The following ADRA1B variants were observed in gnomAD, a reference collection of about 807,000 sequenced individuals.
ADRA1B encodes the protein alpha-1B adrenergic receptor.
A neutral mutation model predicts 17.9 loss-of-function variants in ADRA1B; 17 were observed. That is an observed-to-expected ratio of 0.95 (90% CI 0.65 to 1.42). The LOEUF (loss-of-function observed/expected upper bound fraction) is 1.42, where lower values mean the gene tolerates loss of function less well. Among genes scored for constraint, ADRA1B ranks in the 40% most tolerant of loss-of-function variants. ADRA1B has a pLI of 0.00. For missense variants in ADRA1B, 681 were observed against 722.1 expected, an observed-to-expected ratio of 0.94 and a Z score of 0.65; for synonymous variants, 366 against 327.6, an observed-to-expected ratio of 1.12 and a Z score of -1.27.
At chr5:159,874,068 G>C (rs1392529864) in intron 1 of ADRA1B, among the ~76,000 whole-genome samples, 1 of 152,098 alleles carries the variant, frequency 6.6e-6, no homozygotes, top group Non-Finnish European at 1.5e-5. Flanking sequence ...TAGCCCTTCT[G>C]GGCTATTGGG....
chr5:159,923,186 C>T (rs1274950026), intron 1 of ADRA1B, among the ~76,000 whole-genome samples: 1 of 152,264 alleles, frequency 6.6e-6, no homozygotes, highest in Admixed American at 6.5e-5. Flanking sequence ...TGGGCAGAGG[C>T]CGGGCCATGC....
Position 159,891,764 on chromosome 5 carries a change from G to A in ADRA1B, c.-255-24355G>A, listed in dbSNP as rs534725165. Among the ~76,000 whole-genome samples, 9 of 152,292 alleles carry A rather than the reference G, an allele frequency of 5.9e-5. No individual in the cohort carries two copies. The South Asian group carries it at 1.7e-3, about 28-fold the overall frequency. ...CTCTGCATGCAACAAGGGCAAAGTG[G>A]TAGCGGAGAAACCAGAATTGGGCAC... On this transcript the variant is annotated intron_variant, in intron 1 of 2. Transcript: ENST00000641205.
chr5:159,988,825 T>A, the ADRA1B span, among the ~76,000 whole-genome samples: 2 of 152,148 alleles, frequency 1.3e-5, no homozygotes, highest in South Asian at 2.1e-4. Flanking sequence ...AAAAAAATTT[T>A]AAAAATTAGC....
chr5:159,921,436 G>T (rs6884105), intron 1 of ADRA1B, among the ~76,000 whole-genome samples: 1 of 151,998 alleles, frequency 6.6e-6, no homozygotes, highest in African/African-American at 2.4e-5. Context: ...TAAAATGAAG[G>T]CTAACTTCCA....
At chr5:159,865,840 T>G (rs1753645939) in intron 1 of ADRA1B, among the ~76,000 whole-genome samples, 1 of 152,202 alleles carries the variant, frequency 6.6e-6, no homozygotes, top group Non-Finnish European at 1.5e-5. Flanking sequence ...ACGTAACCCA[T>G]AAAGCTAACT....
chr5:159,917,508 C>A lies in ADRA1B; in HGVS notation c.603C>A (p.Pro201=). 1.2e-6 allele frequency: 2 copies of A among 1,614,066 alleles called. No individual in the cohort carries two copies. Among genetic ancestry groups the A allele is most frequent in the East Asian group, 2.2e-5 (1 of 44,874 alleles). Residue 201 remains proline, a synonymous_variant, in exon 1 of 2, where the codon CCC becomes CCA. Coordinates refer to ENST00000306675, the MANE Select transcript of ADRA1B (RefSeq NM_000679.4). The part of the protein sequence containing the change: ...DDKECGVTEE[P]FYALFSSLGS... ...AGGAGTGCGGGGTCACCGAAGAACC[C>A]TTCTATGCCCTCTTCTCCTCTCTGG...
chr5:159,959,005 G>A (rs1277022237), intron 1 of ADRA1B, among the ~76,000 whole-genome samples: 1 of 152,190 alleles, frequency 6.6e-6, no homozygotes, highest in Non-Finnish European at 1.5e-5. Context: ...ACTGGAAGTT[G>A]GAATGGGTCA....
intron 1 of ADRA1B, among the ~76,000 whole-genome samples, chr5:159,907,684 C>T (rs1403733121): frequency 6.6e-6 from 1 of 152,128 alleles, no homozygotes; most frequent in Non-Finnish European, 1.5e-5. Context: ...TTCTAGGTGC[C>T]AGGCACAGTT....
intron 1 of ADRA1B, among the ~76,000 whole-genome samples, chr5:159,955,563 CT>C (rs1755537607): frequency 1.3e-5 from 2 of 152,186 alleles, no homozygotes; most frequent in Non-Finnish European, 1.5e-5. Context: ...CTTGTAGAGC[CT>C]TTCATCCTAA....
chr5:159,930,565 T>C (rs1484082635), intron 1 of ADRA1B, among the ~76,000 whole-genome samples: 1 of 152,116 alleles, frequency 6.6e-6, no homozygotes, highest in Non-Finnish European at 1.5e-5. Context: ...GGTGACAGGG[T>C]GAGGCTCCAT....
intron 1 of ADRA1B, among the ~76,000 whole-genome samples, chr5:159,938,639 T>G (rs1444561024): frequency 6.6e-6 from 1 of 152,260 alleles, no homozygotes; most frequent in Non-Finnish European, 1.5e-5. Context: ...CAAAGACTAA[T>G]GGGTCATTTG....
chr5:159,973,586 G>A (rs925760617), downstream of ADRA1B, among the ~76,000 whole-genome samples: 12 of 152,180 alleles, frequency 7.9e-5, no homozygotes, highest in African/African-American at 2.9e-4. Flanking sequence ...TTCTGGATAA[G>A]ATATGGATCC....
intron 1 of ADRA1B, among the ~76,000 whole-genome samples, chr5:159,924,627 G>A (rs780899395): frequency 3.7e-4 from 56 of 152,190 alleles, no homozygotes; most frequent in Middle Eastern, 3.2e-3. Flanking sequence ...GGGGCCAGTC[G>A]TGGTGGCACC....
intron 1 of ADRA1B, among the ~76,000 whole-genome samples, chr5:159,889,641 G>C (rs1019914261): frequency 2.1e-4 from 32 of 152,200 alleles, no homozygotes; most frequent in Non-Finnish European, 4.7e-4. Context: ...CATAATGGGG[G>C]TCATGCCAGT....
chr5:159,943,498 C>G (rs750821028), intron 1 of ADRA1B, among the ~76,000 whole-genome samples: 1 of 152,074 alleles, frequency 6.6e-6, no homozygotes, highest in Non-Finnish European at 1.5e-5. Flanking sequence ...CATGAATGTC[C>G]CTAACTCCAC....
chr5:159,893,585 A>G (rs1039344677), intron 1 of ADRA1B, among the ~76,000 whole-genome samples: 3 of 152,232 alleles, frequency 2.0e-5, no homozygotes, highest in African/African-American at 7.2e-5. Flanking sequence ...AAGAAGGGAA[A>G]AGGTCAAATG....
At chr5:159,913,136 A>G (rs756483682), upstream of ADRA1B, among the ~76,000 whole-genome samples, 5 of 152,228 alleles carry the variant, frequency 3.3e-5, no homozygotes, top group Non-Finnish European at 5.9e-5. Context: ...GAGGGTTCGC[A>G]GAAATGGGAG....
At chr5:159,878,768 A>G (rs1467283814) in intron 1 of ADRA1B, among the ~76,000 whole-genome samples, 3 of 152,146 alleles carry the variant, frequency 2.0e-5, no homozygotes, top group African/African-American at 4.8e-5. Flanking sequence ...CTTTTCTATC[A>G]TGTATCATGT....
chr5:159,914,245 C>A (rs1345660966), upstream of ADRA1B, among the ~76,000 whole-genome samples: 2 of 152,186 alleles, frequency 1.3e-5, no homozygotes, highest in Non-Finnish European at 2.9e-5. Flanking sequence ...TTAATAAAGA[C>A]CCCTGACAGA....
Sources: gnomAD v4.1 joint callset for allele counts (sites outside exome capture counted in the v4.1 genomes callset) on GRCh38, gnomAD v4.1.1 for gene constraint, MANE v1.5 for transcripts, NCBI Gene and HGNC (gene_info 2026-07-23, HGNC 2026-07-21) for gene names.